Variants in WDPCP observed in about 807,000 individuals in gnomAD.
WDPCP encodes WD repeat-containing and planar cell polarity effector protein fritz homolog.
In WDPCP, 71 loss-of-function variants were observed where a neutral mutation model predicts 93.1. The ratio of observed to expected loss-of-function variants is 0.76; its 90% CI spans 0.63 to 0.93. WDPCP has a LOEUF of 0.93. Ranked by LOEUF, WDPCP falls within the 40% of genes least tolerant of loss-of-function variation. The pLI, the probability that WDPCP is intolerant of heterozygous loss-of-function variation, is 0.00. For missense variants in WDPCP, 844 were observed against 887.4 expected (o/e 0.95, Z 0.62); for synonymous variants, 315 against 315.0 (o/e 1.00, Z 0.00).
intron 15 of WDPCP, among the ~76,000 whole-genome samples, chr2:63,163,134 A>C (rs1186571871): frequency 6.6e-6 from 1 of 152,198 alleles, no homozygotes; most frequent in Non-Finnish European, 1.5e-5. Context: ...TCAGAAAAAG[A>C]AACTAAGAAA....
chr2:63,390,820 C>T (rs1238055987), intron 10 of WDPCP, among the ~76,000 whole-genome samples: 1 of 152,158 alleles, frequency 6.6e-6, no homozygotes. Context: ...GACATATACA[C>T]TCTCCCAAGA....
chr2:63,322,459 C>T (rs959509451), intron 12 of WDPCP, among the ~76,000 whole-genome samples: 4 of 152,124 alleles, frequency 2.6e-5, no homozygotes, highest in Non-Finnish European at 5.9e-5. Context: ...CTGTAACACT[C>T]ACCGTGAAGG....
At chr2:63,265,228 A>G (rs1173310866) in intron 13 of WDPCP, among the ~76,000 whole-genome samples, 1 of 152,180 alleles carries the variant, frequency 6.6e-6, no homozygotes, top group East Asian at 1.9e-4. Flanking sequence ...AGAAGAGATC[A>G]AGAAAACTAA....
intron 17 of WDPCP, among the ~76,000 whole-genome samples, chr2:63,135,462 G>C (rs963191505): frequency 6.6e-6 from 1 of 152,110 alleles, no homozygotes; most frequent in African/African-American, 2.4e-5. Context: ...CTTCCGAGGA[G>C]CTGGGATTAC....
intron 7 of WDPCP, 160 bp from the exon 8 acceptor site, chr2:63,437,714 T>C (rs1397650316): frequency 9.8e-7 from 1 of 1,015,724 alleles, no homozygotes; most frequent in African/African-American, 1.6e-5. Context: ...TTAAAGATAT[T>C]AGGAATAAAC....
chr2:63,191,255 G>A (rs1228922022), intron 14 of WDPCP, among the ~76,000 whole-genome samples: 1 of 152,116 alleles, frequency 6.6e-6, no homozygotes, highest in Non-Finnish European at 1.5e-5. Flanking sequence ...AGCCAGGCGT[G>A]GTGGCGGGCC....
intron 1 of WDPCP, chr2:63,564,317 T>C (rs145452204): frequency 1.3e-5 from 2 of 152,346 alleles, no homozygotes; most frequent in East Asian, 3.9e-4. Flanking sequence ...CTGTTAGAAT[T>C]CTGTAACCTG....
chr2:63,270,108 G>A (rs1332589849), intron 13 of WDPCP, among the ~76,000 whole-genome samples: 1 of 152,094 alleles, frequency 6.6e-6, no homozygotes, highest in African/African-American at 2.4e-5. Flanking sequence ...TCAGAGTTAC[G>A]TTAATAGAAA....
In WDPCP at chr2:63,709,022, A is replaced by T. The variant is rs184699983; in HGVS notation, n.309-58184T>A. Among the ~76,000 whole-genome samples the T allele has an allele frequency of 9.0e-3, 1,257 of 139,220 alleles. 14 individuals carry two copies. Among genetic ancestry groups the T allele is most frequent in the Non-Finnish European group, 0.011 (685 of 64,848 alleles). The allele number at this position is 139,220 out of a possible 152,430, so 91.3% of individuals were successfully genotyped here. On this transcript the variant is annotated intron_variant and non_coding_transcript_variant, in intron 2 of 4. Coordinates refer to the WDPCP transcript ENST00000467687. ...GATCATTTGAGGTCAGGAGTTCAAG[A>T]CCAGCCTGGCCAACATGGTGAAACC...
At chr2:63,570,185 CAA>C (rs1707373129) in intron 1 of WDPCP, among the ~76,000 whole-genome samples, 1 of 152,114 alleles carries the variant, frequency 6.6e-6, no homozygotes, top group Non-Finnish European at 1.5e-5. Context: ...TGTAAAAGTA[CAA>C]AAACACCCGT....
chr2:63,259,350 T>C lies in WDPCP; in HGVS notation c.1872A>G (p.Lys624=). The change falls in exon 14 of 18, where the codon AAA becomes AAG. Residue 624 remains lysine (K), a synonymous_variant. Coordinates refer to ENST00000272321, the MANE Select transcript of WDPCP (RefSeq NM_015910.7). ...ATTCTGCATCAATGTCACTAGCTCT[T>C]TTTCTTGCCACTTCAGCTAGTGCCA... ...GELALAEVAR[K]RASDIDAESI... 1.2e-6 allele frequency: 2 copies of C among 1,612,806 alleles called. No individual in the cohort carries two copies. Among genetic ancestry groups the C allele is most frequent in the Non-Finnish European group, 1.7e-6 (2 of 1,179,594 alleles).
At chr2:63,246,102 A>G (rs1680251148) in intron 14 of WDPCP, among the ~76,000 whole-genome samples, 1 of 152,158 alleles carries the variant, frequency 6.6e-6, no homozygotes, top group African/African-American at 2.4e-5. Flanking sequence ...CAGCCCCTAT[A>G]TGAATTAAGG....
chr2:63,420,720 T>C (rs1240908990), intron 9 of WDPCP, among the ~76,000 whole-genome samples: 1 of 152,204 alleles, frequency 6.6e-6, no homozygotes, highest in Non-Finnish European at 1.5e-5. Context: ...TTTTAAAATT[T>C]TATGTAAATG....
chr2:63,687,485 G>A (rs1668824618), intron 2 of WDPCP, among the ~76,000 whole-genome samples: 1 of 152,088 alleles, frequency 6.6e-6, no homozygotes, highest in African/African-American at 2.4e-5. Context: ...AACTCAATAG[G>A]AAAAAATCTA....
At chr2:63,152,526 C>A (rs1671956940) in intron 17 of WDPCP, among the ~76,000 whole-genome samples, 1 of 152,126 alleles carries the variant, frequency 6.6e-6, no homozygotes, top group Non-Finnish European at 1.5e-5. Flanking sequence ...CCTGCCTCGG[C>A]CTGCCAAAAT....
chr2:63,310,565 T>A (rs893747599), intron 13 of WDPCP, among the ~76,000 whole-genome samples: 10 of 152,160 alleles, frequency 6.6e-5, no homozygotes, highest in Admixed American at 6.6e-4. Flanking sequence ...CAAATTTCAG[T>A]GTCCATATAT....
intron 14 of WDPCP, among the ~76,000 whole-genome samples, chr2:63,215,307 T>C (rs1230307827): frequency 6.6e-6 from 1 of 151,976 alleles, no homozygotes; most frequent in Non-Finnish European, 1.5e-5. Context: ...GACTTCAAAC[T>C]ATACTACAAG....
chr2:63,160,503 A>G (rs1427946030), intron 15 of WDPCP, among the ~76,000 whole-genome samples: 3 of 152,202 alleles, frequency 2.0e-5, no homozygotes, highest in African/African-American at 7.2e-5. Context: ...ACATCAAATG[A>G]TATTTAAAAA....
intron 1 of WDPCP, among the ~76,000 whole-genome samples, chr2:63,514,996 T>C (rs1351876899): frequency 1.3e-5 from 2 of 152,156 alleles, no homozygotes; most frequent in Non-Finnish European, 2.9e-5. Flanking sequence ...TGCAGCTGTG[T>C]GTCTGTAAAT....
Sources: gnomAD v4.1 joint callset for allele counts (sites outside exome capture counted in the v4.1 genomes callset) on GRCh38, gnomAD v4.1.1 for gene constraint, MANE v1.5 for transcripts, NCBI Gene and HGNC (gene_info 2026-07-23, HGNC 2026-07-21) for gene names.